Variants in KCNMB2 observed in about 807,000 individuals in gnomAD.
KCNMB2 encodes the protein calcium-activated potassium channel subunit beta-2.
KCNMB2 carries 9 observed loss-of-function variants against 24.5 expected under a neutral mutation model. The ratio of observed to expected loss-of-function variants is 0.37; its 90% CI spans 0.22 to 0.64. KCNMB2 has a LOEUF of 0.64. Among genes scored for constraint, KCNMB2 ranks in the 30% least tolerant of loss-of-function variants. KCNMB2 has a pLI of 0.63. For synonymous variants in KCNMB2, 109 were observed against 104.4 expected (o/e 1.04, Z -0.27); for missense variants, 226 against 284.3 (o/e 0.79, Z 1.47).
chr3:178,564,509 G>A (rs1716445381), intron 1 of KCNMB2, among the ~76,000 whole-genome samples: 1 of 152,196 alleles, frequency 6.6e-6, no homozygotes, highest in African/African-American at 2.4e-5. Flanking sequence ...TTTGTATAAA[G>A]TAGAGTAGTT....
chr3:178,755,410 A>T (rs977296865), intron 1 of KCNMB2, among the ~76,000 whole-genome samples: 1 of 152,194 alleles, frequency 6.6e-6, no homozygotes, highest in Non-Finnish European at 1.5e-5. Context: ...GATCTGTTTC[A>T]ATTTTTGTTT....
intron 1 of KCNMB2, among the ~76,000 whole-genome samples, chr3:178,694,765 A>G (rs916167176): frequency 3.9e-4 from 59 of 152,362 alleles, no homozygotes; most frequent in Non-Finnish European, 6.8e-4. Flanking sequence ...AGTTCTGCCC[A>G]TGTGGCTTTG....
intron 1 of KCNMB2, among the ~76,000 whole-genome samples, chr3:178,784,874 TAA>T (rs67483966): frequency 0.15 from 18,757 of 121,358 alleles, 1,479 homozygotes; most frequent in Admixed American, 0.19. Context: ...CCTGAAGCCT[TAA>T]AAAAAAAAAA....
intron 1 of KCNMB2, among the ~76,000 whole-genome samples, chr3:178,569,140 T>C (rs1716676415): frequency 6.6e-6 from 1 of 152,150 alleles, no homozygotes; most frequent in Non-Finnish European, 1.5e-5. Context: ...TTCCAGAAGT[T>C]TTTCCCCATG....
chr3:178,763,816 C>G (rs560098920), intron 1 of KCNMB2, among the ~76,000 whole-genome samples: 81 of 152,266 alleles, frequency 5.3e-4, no homozygotes, highest in African/African-American at 1.9e-3. Context: ...ATACTTCTGT[C>G]ATTTACTGGT....
At chr3:178,743,093 GAC>G (rs1029395866) in intron 1 of KCNMB2, among the ~76,000 whole-genome samples, 1 of 152,192 alleles carries the variant, frequency 6.6e-6, no homozygotes, top group African/African-American at 2.4e-5. Context: ...CTTAAGATAA[GAC>G]AGTGTGGCCT....
chr3:178,606,181 G>A lies in KCNMB2; in HGVS notation c.-68+69470G>A, dbSNP rs565913451. Among the ~76,000 whole-genome samples, 7 of 152,270 alleles carry A rather than the reference G, an allele frequency of 4.6e-5. No homozygotes were observed. The South Asian group carries it at 1.2e-3, about 27-fold the overall frequency. Reference sequence around the variant, plus strand: ...CGTTTTATAGTATAGGACCTATTCAGCTGCAAATGTGCACTATTGAAGACA... The same window carrying A: ...CGTTTTATAGTATAGGACCTATTCAACTGCAAATGTGCACTATTGAAGACA... On this transcript the variant is annotated intron_variant, in intron 1 of 4. Transcript: ENST00000452583.
chr3:178,793,606 C>T (rs1179754663), intron 1 of KCNMB2, among the ~76,000 whole-genome samples: 1 of 152,050 alleles, frequency 6.6e-6, no homozygotes, highest in African/African-American at 2.4e-5. Context: ...TTGATACACT[C>T]CCTGAAGCAC....
Position 178,842,723 on chromosome 3 carries a change from A to G in KCNMB2, c.494A>G (p.Asn165Ser), listed in dbSNP as rs1293722344. The change falls in exon 5 of 5, where the codon AAC (asparagine) becomes AGC (serine). Residue 165 changes from asparagine (N) to serine (S), a missense_variant. Physicochemically the swap from Asn to Ser is conservative, Grantham distance 46 (BLOSUM62 1). Transcript: ENST00000452583. ...SMSLVNVVME[N>S]FRKYQHFSCY... is the part of the protein sequence containing the mutation. ...TCCCTGGTGAATGTTGTCATGGAAA[A>G]CTTCAGGAAGTATCAACACTTCTCC... 6.2e-7 allele frequency: 1 copy of G among 1,613,346 alleles called. No homozygotes were observed. The highest frequency in any genetic ancestry group is 8.5e-7 in the Non-Finnish European group (1 of 1,179,410).
At chr3:178,591,162 T>A (rs890881619) in intron 1 of KCNMB2, among the ~76,000 whole-genome samples, 1 of 152,114 alleles carries the variant, frequency 6.6e-6, no homozygotes, top group Admixed American at 6.6e-5. Flanking sequence ...CCTCTCATAG[T>A]TAGTCCATAG....
intron 2 of KCNMB2, among the ~76,000 whole-genome samples, chr3:178,819,271 A>T (rs1032194306): frequency 1.3e-5 from 2 of 152,192 alleles, no homozygotes; most frequent in Admixed American, 6.5e-5. Context: ...AATTTATCGA[A>T]TTTAGCTATA....
At chr3:178,763,644 A>G (rs1292745351) in intron 1 of KCNMB2, among the ~76,000 whole-genome samples, 16 of 152,160 alleles carry the variant, frequency 1.1e-4, no homozygotes, top group Non-Finnish European at 7.4e-5. Context: ...TGATGATACA[A>G]TTTAGGATAT....
intron 1 of KCNMB2, among the ~76,000 whole-genome samples, chr3:178,712,243 A>G (rs1385556913): frequency 6.6e-6 from 1 of 152,196 alleles, no homozygotes; most frequent in Non-Finnish European, 1.5e-5. Flanking sequence ...TACGTGCCAT[A>G]ATCGGTAGAT....
chr3:178,749,035 A>G (rs1723758406), intron 1 of KCNMB2: 1 of 152,210 alleles, frequency 6.6e-6, no homozygotes, highest in South Asian at 2.1e-4. Context: ...TAATGGTTAA[A>G]TGCTGTTTAC....
intron 1 of KCNMB2, among the ~76,000 whole-genome samples, chr3:178,721,756 T>C (rs550729281): frequency 6.6e-6 from 1 of 152,340 alleles, no homozygotes; most frequent in Non-Finnish European, 1.5e-5. Context: ...TCAGTGTGTT[T>C]CCGCTTTCGC....
chr3:178,803,426 G>A (rs1016214772), intron 1 of KCNMB2, among the ~76,000 whole-genome samples: 4 of 152,154 alleles, frequency 2.6e-5, no homozygotes, highest in African/African-American at 9.7e-5. Context: ...GCAAGCTAAG[G>A]GAAGGGTCAG....
At chr3:178,787,292 T>G (rs2108437190) in intron 1 of KCNMB2, among the ~76,000 whole-genome samples, 1 of 152,298 alleles carries the variant, frequency 6.6e-6, no homozygotes. Context: ...ACACATTAAC[T>G]CACATGTATA....
chr3:178,686,744 A>G (rs1435446168), intron 1 of KCNMB2, among the ~76,000 whole-genome samples: 1 of 152,174 alleles, frequency 6.6e-6, no homozygotes, highest in African/African-American at 2.4e-5. Context: ...TTACAATTTA[A>G]AAAACTTTCG....
chr3:178,708,574 T>TGGCCTTAGAGTG (rs1204571990), intron 1 of KCNMB2, among the ~76,000 whole-genome samples: 2 of 152,128 alleles, frequency 1.3e-5, no homozygotes, highest in Non-Finnish European at 2.9e-5. Flanking sequence ...TACCATAGTG[T>TGGCCTTAGAGTG]GGCCTTAGAG....
Sources: gnomAD v4.1 joint callset for allele counts (sites outside exome capture counted in the v4.1 genomes callset) on GRCh38, gnomAD v4.1.1 for gene constraint, MANE v1.5 for transcripts, NCBI Gene and HGNC (gene_info 2026-07-23, HGNC 2026-07-21) for gene names.